Variants in PCDH10 observed in about 807,000 individuals in gnomAD.
PCDH10 encodes protocadherin-10.
PCDH10 carries 15 observed loss-of-function variants against 74.4 expected under a neutral mutation model. That is an observed-to-expected ratio of 0.20 (90% CI 0.13 to 0.31). The LOEUF is 0.31. Ranked by LOEUF, PCDH10 falls within the 10% of genes least tolerant of loss-of-function variation. PCDH10 has a pLI of 1.00. For missense variants in PCDH10, 1,260 were observed against 1,390.2 expected, an observed-to-expected ratio of 0.91 and a Z score of 1.49; for synonymous variants, 619 against 589.8, an observed-to-expected ratio of 1.05 and a Z score of -0.72.
intron 4 of PCDH10, among the ~76,000 whole-genome samples, chr4:133,174,624 C>T (rs11099235): frequency 0.5 from 74,617 of 150,340 alleles, 18,785 homozygotes; most frequent in Admixed American, 0.56. Flanking sequence ...TTTATAAATA[C>T]TTTATATTAT....
intron 2 of PCDH10, among the ~76,000 whole-genome samples, chr4:133,200,700 A>G (rs901041904): frequency 1.3e-5 from 2 of 152,200 alleles, no homozygotes; most frequent in African/African-American, 2.4e-5. Context: ...AGAAAATGAC[A>G]CAAATATAAG....
intron 4 of PCDH10, among the ~76,000 whole-genome samples, chr4:133,184,778 A>T (rs1357423123): frequency 6.5e-5 from 9 of 138,132 alleles, no homozygotes; most frequent in Admixed American, 2.3e-4. Context: ...ATATAAATAT[A>T]TATATAAATA....
In PCDH10 at chr4:133,163,951, G is replaced by T. The variant is rs1727027750; in HGVS notation, c.3103+669G>T. 8.9e-6 allele frequency: 4 copies of T among 449,052 alleles called. No individual in the cohort carries two copies. The Admixed American group carries it at 9.8e-5, about 11-fold the overall frequency. 27.8% of individuals were successfully genotyped at this position (449,052 alleles called of 1,614,324 possible). A position where few individuals can be genotyped will look rare whatever the true frequency, so the allele number is the denominator to read the frequency against. On this transcript the variant is annotated intron_variant, in intron 4 of 4. Transcript: ENST00000264360. ...ATAACGTGAAAAGCAAAGATTGAAT[G>T]CATTGAGGTTGTGGCTATTAACCTG...
intron 2 of PCDH10, among the ~76,000 whole-genome samples, chr4:133,205,674 T>A (rs978874499): frequency 6.6e-6 from 1 of 152,086 alleles, no homozygotes; most frequent in Non-Finnish European, 1.5e-5. Context: ...TGTCTGTCAA[T>A]TTTCATTACT....
At chr4:133,162,882 C>T in intron 3 of PCDH10, 95 bp from the exon 4 acceptor site, 1 of 1,038,780 alleles carries the variant, frequency 9.6e-7, no homozygotes, top group East Asian at 2.4e-5. Flanking sequence ...GACAACTTCA[C>T]TTGTCACCCT....
intron 3 of PCDH10, among the ~76,000 whole-genome samples, chr4:133,157,552 T>C (rs1726892021): frequency 6.6e-6 from 1 of 152,184 alleles, no homozygotes; most frequent in South Asian, 2.1e-4. Context: ...TAAGCAAATC[T>C]CACTTAACTA....
chr4:133,156,112 G>T (rs892343173), intron 3 of PCDH10, among the ~76,000 whole-genome samples: 1 of 152,152 alleles, frequency 6.6e-6, no homozygotes, highest in East Asian at 1.9e-4. Context: ...TTTTCAAGGT[G>T]ATATTAGTCC....
intron 4 of PCDH10, among the ~76,000 whole-genome samples, chr4:133,176,302 G>A (rs1231528233): frequency 1.3e-5 from 2 of 151,972 alleles, no homozygotes; most frequent in Admixed American, 1.3e-4. Context: ...ACTAGCTGTG[G>A]GACCTCTCTA....
chr4:133,160,707 T>G (rs2125862278), intron 3 of PCDH10, among the ~76,000 whole-genome samples: 1 of 151,150 alleles, frequency 6.6e-6, no homozygotes, highest in Middle Eastern at 3.4e-3. Flanking sequence ...GCAAAAAAAA[T>G]ATGTGAAAGG....
chr4:133,200,090 G>A (rs867102010), intron 2 of PCDH10, among the ~76,000 whole-genome samples: 7 of 151,734 alleles, frequency 4.6e-5, no homozygotes, highest in South Asian at 2.1e-4. Context: ...GAGCCACCGC[G>A]CCCGGCCTTT....
intron 4 of PCDH10, among the ~76,000 whole-genome samples, chr4:133,176,552 C>A (rs1373180675): frequency 1.3e-5 from 2 of 152,102 alleles, no homozygotes; most frequent in Non-Finnish European, 2.9e-5. Context: ...CTCTTTTACT[C>A]CCAGAGAAAA....
intron 3 of PCDH10, 58 bp from the exon 4 acceptor site, chr4:133,162,918 CT>C: frequency 7.0e-7 from 1 of 1,419,472 alleles, no homozygotes; most frequent in South Asian, 1.3e-5. Flanking sequence ...TCTTACACTG[CT>C]AAGTAACTGG....
chr4:133,170,786 G>A (rs1028139237), intron 4 of PCDH10, among the ~76,000 whole-genome samples: 48 of 152,090 alleles, frequency 3.2e-4, no homozygotes, highest in African/African-American at 3.6e-4. Context: ...TCCACCTCCC[G>A]GGTTCGAGCG....
intron 4 of PCDH10, among the ~76,000 whole-genome samples, chr4:133,188,524 G>C (rs988413601): frequency 1.3e-5 from 2 of 151,898 alleles, no homozygotes; most frequent in South Asian, 4.2e-4. Context: ...ATATTGTATC[G>C]AATTCATTTT....
At chr4:133,188,831 G>T (rs1483604722) in intron 4 of PCDH10, among the ~76,000 whole-genome samples, 1 of 151,546 alleles carries the variant, frequency 6.6e-6, no homozygotes, top group Non-Finnish European at 1.5e-5. Flanking sequence ...CCACCACCAT[G>T]CCAGGCTAAT....
Position 133,192,608 on chromosome 4 carries a change from T to A in PCDH10, c.*2448T>A, listed in dbSNP as rs983135539. 6.6e-6 allele frequency: 1 copy of A among 151,610 alleles called. No individual in the cohort carries two copies. Among genetic ancestry groups the A allele is most frequent in the Non-Finnish European group, 1.5e-5 (1 of 67,614 alleles). 9.4% of individuals were successfully genotyped at this position (151,610 alleles called of 1,614,324 possible). A position where few individuals can be genotyped will look rare whatever the true frequency, so the allele number is the denominator to read the frequency against. ...ATTTTCATATATCCTAGGAACTAGTTATACTAACTTACATTTTAGTTATCA... is the reference window on the plus strand; with the variant it reads ...ATTTTCATATATCCTAGGAACTAGTAATACTAACTTACATTTTAGTTATCA... On this transcript the variant is annotated 3_prime_UTR_variant, in exon 5 of 5. Coordinates refer to ENST00000264360, the MANE Select transcript of PCDH10 (RefSeq NM_032961.3).
rs1727717866 is a variant in PCDH10 at position 133,193,190 on chromosome 4, A to T, written c.*3030A>T. On this transcript the variant is annotated 3_prime_UTR_variant, in exon 5 of 5. Transcript: ENST00000264360. ...TAGAATTCTAATTTTTAACGTGTGA[A>T]CATAGTTTGGTGAAATCATCTTAAA... 1.3e-5 allele frequency: 2 copies of T among 151,668 alleles called. No homozygotes were observed. Among genetic ancestry groups the T allele is most frequent in the Admixed American group, 1.3e-4 (2 of 15,202 alleles). 9.4% of individuals were successfully genotyped at this position (151,668 alleles called of 1,614,324 possible).
chr4:133,201,201 T>C (rs541696522), intron 2 of PCDH10, among the ~76,000 whole-genome samples: 7 of 152,266 alleles, frequency 4.6e-5, no homozygotes, highest in Admixed American at 1.3e-4. Flanking sequence ...ACCTAATAAT[T>C]CCACCCCAGT....
chr4:133,189,263 T>C (rs887494208), intron 4 of PCDH10, among the ~76,000 whole-genome samples: 1 of 152,176 alleles, frequency 6.6e-6, no homozygotes, highest in Non-Finnish European at 1.5e-5. Flanking sequence ...CAACTAGCTT[T>C]ATTTTCAACA....
Sources: gnomAD v4.1 joint callset for allele counts (sites outside exome capture counted in the v4.1 genomes callset) on GRCh38, gnomAD v4.1.1 for gene constraint, MANE v1.5 for transcripts, NCBI Gene and HGNC (gene_info 2026-07-23, HGNC 2026-07-21) for gene names.